ABLIM1: variants seen among roughly 807,000 people sequenced by gnomAD.
ABLIM1 encodes actin binding LIM protein 1.
Under a neutral mutation model 107.0 loss-of-function variants are expected in ABLIM1, and 40 were observed. That is an observed-to-expected ratio of 0.37 (90% confidence interval 0.29 to 0.49). The LOEUF (loss-of-function observed/expected upper bound fraction) is 0.49, where lower values mean the gene tolerates loss of function less well. Among genes scored for constraint, ABLIM1 ranks in the 20% least tolerant of loss-of-function variants. The pLI is 0.97. For missense variants in ABLIM1, 857 were observed against 1,008.5 expected (o/e 0.85, Z 2.04); for synonymous variants, 357 against 357.3 (o/e 1.00, Z 0.01).
At chr10:114,566,013 T>A (rs372774661) in intron 4 of ABLIM1, among the ~76,000 whole-genome samples, 96 of 152,206 alleles carry the variant, frequency 6.3e-4, no homozygotes, top group African/African-American at 2.1e-3. Context: ...GCCAGGATGG[T>A]CTCTATCTCC....
intron 1 of ABLIM1, among the ~76,000 whole-genome samples, chr10:114,727,183 A>G (rs1246323861): frequency 8.5e-5 from 13 of 152,220 alleles, no homozygotes; most frequent in Admixed American, 6.5e-4. Context: ...AGATAAATGT[A>G]TGGTGTCACC....
At chr10:114,567,907 T>C (rs2070996731) in intron 4 of ABLIM1, among the ~76,000 whole-genome samples, 1 of 152,164 alleles carries the variant, frequency 6.6e-6, no homozygotes, top group Non-Finnish European at 1.5e-5. Flanking sequence ...AAGGCTACTT[T>C]CGGCCGGGCG....
At chr10:114,443,940 G>T in intron 17 of ABLIM1, 89 bp downstream of exon 17, 3 of 1,042,454 alleles carry the variant, frequency 2.9e-6, no homozygotes, top group Non-Finnish European at 4.3e-6. Context: ...TACTCTGTAG[G>T]TTCCACCACA....
chr10:114,623,790 C>G (rs1348267530), intron 1 of ABLIM1, among the ~76,000 whole-genome samples: 1 of 152,166 alleles, frequency 6.6e-6, no homozygotes, highest in African/African-American at 2.4e-5. Flanking sequence ...CTGTCCTAGA[C>G]AGTAATTTCC....
chr10:114,490,470 A>G (rs1311848956), intron 7 of ABLIM1, among the ~76,000 whole-genome samples: 1 of 152,228 alleles, frequency 6.6e-6, no homozygotes, highest in Non-Finnish European at 1.5e-5. Context: ...ACAACTCATT[A>G]CAGGTACACA....
At chr10:114,558,449 C>T (rs1163490585) in intron 4 of ABLIM1, among the ~76,000 whole-genome samples, 1 of 152,138 alleles carries the variant, frequency 6.6e-6, no homozygotes, top group Non-Finnish European at 1.5e-5. Context: ...CTGCTAATGA[C>T]GTTCGCAGGA....
intron 2 of ABLIM1, among the ~76,000 whole-genome samples, chr10:114,579,875 A>T (rs1247604309): frequency 6.6e-6 from 1 of 152,086 alleles, no homozygotes; most frequent in Admixed American, 6.6e-5. Flanking sequence ...ATTATCCAAA[A>T]CTTGTAAACA....
intron 1 of ABLIM1, among the ~76,000 whole-genome samples, chr10:114,655,133 T>C (rs1477409147): frequency 6.6e-6 from 1 of 152,166 alleles, no homozygotes; most frequent in Admixed American, 6.5e-5. Flanking sequence ...AGAAACGCAC[T>C]TGGAATCACT....
intron 1 of ABLIM1, among the ~76,000 whole-genome samples, chr10:114,723,049 T>C (rs2081884328): frequency 6.6e-6 from 1 of 152,242 alleles, no homozygotes; most frequent in Non-Finnish European, 1.5e-5. Flanking sequence ...TGAGCTATTG[T>C]ACCTCCAGCA....
rs566938561 is a variant in ABLIM1 at position 114,445,826 on chromosome 10, A to G, written c.1736-423T>C. Among the ~76,000 whole-genome samples the G allele has an allele frequency of 1.1e-4, 17 of 152,324 alleles. No individual in the cohort carries two copies. In the South Asian group the frequency reaches 3.3e-3, roughly 30 times the overall value. Reference sequence around the variant, plus strand: ...CACTCTGTTGCCCAGGCTGGAGTACAGTGATGCAATCATGGCTCAGTGCAG... The same window carrying G: ...CACTCTGTTGCCCAGGCTGGAGTACGGTGATGCAATCATGGCTCAGTGCAG... On this transcript the variant is annotated intron_variant, in intron 15 of 22. Coordinates refer to ENST00000533213, the MANE Select transcript of ABLIM1 (RefSeq NM_002313.7).
chr10:114,501,850 A>G (rs949281025), intron 6 of ABLIM1: 1 of 152,318 alleles, frequency 6.6e-6, no homozygotes, highest in East Asian at 1.9e-4. Flanking sequence ...TTATCATCCA[A>G]GTCCATAGTT....
chr10:114,492,038 A>G (rs1474591543), intron 6 of ABLIM1, among the ~76,000 whole-genome samples, 160 bp from the exon 7 acceptor site: 2 of 152,054 alleles, frequency 1.3e-5, no homozygotes, highest in African/African-American at 4.8e-5. Context: ...CGGAAGCTAA[A>G]GCCAACTTCA....
intron 1 of ABLIM1, among the ~76,000 whole-genome samples, chr10:114,723,913 G>A (rs923786986): frequency 6.6e-6 from 1 of 152,086 alleles, no homozygotes; most frequent in African/African-American, 2.4e-5. Context: ...TCAATATTGT[G>A]ATCTAGAAAT....
intron 1 of ABLIM1, among the ~76,000 whole-genome samples, chr10:114,709,077 T>C (rs2081487093): frequency 6.6e-6 from 1 of 152,216 alleles, no homozygotes; most frequent in South Asian, 2.1e-4. Context: ...GTATGGTCAC[T>C]TCCCTGCATA....
chr10:114,793,080 A>G, the ABLIM1 span, among the ~76,000 whole-genome samples: 1 of 152,186 alleles, frequency 6.6e-6, no homozygotes, highest in Non-Finnish European at 1.5e-5. Context: ...TGAACCTGGG[A>G]GGCAGAGGTT....
At chr10:114,586,173 AT>A (rs753521216) in intron 2 of ABLIM1, among the ~76,000 whole-genome samples, 42 of 152,156 alleles carry the variant, frequency 2.8e-4, no homozygotes, top group Non-Finnish European at 5.1e-4. Flanking sequence ...AACTTCACTC[AT>A]CTTCCAACTT....
intron 1 of ABLIM1, 101 bp from the exon 2 acceptor site, chr10:114,602,062 G>A: frequency 1.4e-6 from 2 of 1,466,742 alleles, no homozygotes; most frequent in East Asian, 2.3e-5. Context: ...GAGCCACAGA[G>A]ATTGATTCGA....
chr10:114,501,235 G>C (rs2060382656), intron 6 of ABLIM1, among the ~76,000 whole-genome samples: 1 of 152,148 alleles, frequency 6.6e-6, no homozygotes, highest in African/African-American at 2.4e-5. Context: ...TCAAAACTTA[G>C]AGAGATCAGG....
chr10:114,741,407 A>G lies in ABLIM1; in HGVS notation c.-213+26654T>C, dbSNP rs368597175. 2.3e-3 allele frequency among the ~76,000 whole-genome samples: 341 copies of G among 151,196 alleles called. 1 individual carries two copies. The highest frequency in any genetic ancestry group is 8.0e-3 in the African/African-American group (330 of 41,254). On this transcript the variant is annotated intron_variant, in intron 1 of 15. Coordinates refer to the ABLIM1 transcript ENST00000651092. The stretch of plus-strand genomic sequence containing the variant: ...GGCCTGGCTAATTTTTTGTATTTTT[A>G]GTAGAGATGGGGTTTCACCGTGTTA...
Sources: gnomAD v4.1 joint callset for allele counts (sites outside exome capture counted in the v4.1 genomes callset) on GRCh38, gnomAD v4.1.1 for gene constraint, MANE v1.5 for transcripts, NCBI Gene and HGNC (gene_info 2026-07-23, HGNC 2026-07-21) for gene names.